The following SLIT2 variants were observed in gnomAD, a reference collection of about 807,000 sequenced individuals.
SLIT2 encodes slit homolog 2 protein.
Under a neutral mutation model 185.7 loss-of-function variants are expected in SLIT2, and 41 were observed. That is an observed-to-expected ratio of 0.22 (90% CI 0.17 to 0.29). The LOEUF (loss-of-function observed/expected upper bound fraction) is 0.29. SLIT2 is among the 10% of genes least tolerant of loss of function. The probability of loss-of-function intolerance (pLI) is 1.00; values close to 1 mark genes in which losing one functional copy is unlikely to be tolerated. For missense variants in SLIT2, 1,571 were observed against 1,909.0 expected (o/e 0.82, Z 3.30); for synonymous variants, 693 against 680.2 (o/e 1.02, Z -0.29).
intron 5 of SLIT2, among the ~76,000 whole-genome samples, chr4:20,475,283 A>G (rs1577733691): frequency 6.8e-6 from 1 of 147,924 alleles, no homozygotes; most frequent in African/African-American, 2.5e-5. Context: ...GTCTAATTAG[A>G]TTCTATCCAT....
chr4:20,493,788 A>G (rs1455625794), intron 9 of SLIT2, among the ~76,000 whole-genome samples: 1 of 152,200 alleles, frequency 6.6e-6, no homozygotes. Context: ...CATTCCAGAA[A>G]TGATAACTCA....
At chr4:20,582,476 C>G (rs1008868655) in intron 29 of SLIT2, among the ~76,000 whole-genome samples, 1 of 152,188 alleles carries the variant, frequency 6.6e-6, no homozygotes, top group African/African-American at 2.4e-5. Flanking sequence ...ACAAATAGTA[C>G]TGAAGCCAGT....
chr4:20,385,237 CAAGG>C (rs1724842591), intron 4 of SLIT2, among the ~76,000 whole-genome samples: 1 of 152,142 alleles, frequency 6.6e-6, no homozygotes, highest in Non-Finnish European at 1.5e-5. Flanking sequence ...AATGAACAAA[CAAGG>C]AAATATACTA....
chr4:20,602,981 C>A (rs533629086), intron 33 of SLIT2, among the ~76,000 whole-genome samples: 1 of 151,932 alleles, frequency 6.6e-6, no homozygotes, highest in East Asian at 1.9e-4. Context: ...GGCGCACGGG[C>A]CTAATATTTA....
At chr4:20,447,341 G>C (rs1270362618) in intron 4 of SLIT2, among the ~76,000 whole-genome samples, 1 of 152,204 alleles carries the variant, frequency 6.6e-6, no homozygotes, top group Non-Finnish European at 1.5e-5. Context: ...GGATCACACA[G>C]ATGCATTGCC....
intron 28 of SLIT2, among the ~76,000 whole-genome samples, chr4:20,568,131 C>T (rs1329468477): frequency 1.3e-5 from 2 of 152,042 alleles, no homozygotes; most frequent in Non-Finnish European, 2.9e-5. Flanking sequence ...TTCAGATGTA[C>T]TTCATGAATT....
intron 11 of SLIT2, among the ~76,000 whole-genome samples, chr4:20,513,571 G>T (rs1443263027): frequency 6.6e-6 from 1 of 152,164 alleles, no homozygotes; most frequent in East Asian, 1.9e-4. Flanking sequence ...TAGAGATGCA[G>T]AGTGACCAGA....
intron 4 of SLIT2, among the ~76,000 whole-genome samples, chr4:20,427,834 A>C (rs953773524): frequency 6.6e-6 from 1 of 152,140 alleles, no homozygotes; most frequent in African/African-American, 2.4e-5. Context: ...ATTGAAATTC[A>C]TGTGTCTTAA....
At chr4:20,412,057 T>A (rs1727298103) in intron 4 of SLIT2, among the ~76,000 whole-genome samples, 1 of 152,164 alleles carries the variant, frequency 6.6e-6, no homozygotes. Context: ...ATATGGGCTT[T>A]GGAAGACAAT....
chr4:20,267,571 T>C (rs1439269871), intron 3 of SLIT2, among the ~76,000 whole-genome samples: 2 of 151,880 alleles, frequency 1.3e-5, no homozygotes, highest in Non-Finnish European at 2.9e-5. Context: ...AAAAAATTCA[T>C]AGCCTCTGCT....
chr4:20,255,413 C>T (rs1351284448), intron 1 of SLIT2, among the ~76,000 whole-genome samples: 3 of 152,176 alleles, frequency 2.0e-5, no homozygotes, highest in Admixed American at 2.0e-4. Flanking sequence ...CAAATCGGGG[C>T]TCTACTAGGG....
chr4:20,285,539 T>G (rs17601683), intron 4 of SLIT2, among the ~76,000 whole-genome samples: 1 of 150,048 alleles, frequency 6.7e-6, no homozygotes. Flanking sequence ...TAGAAACTTT[T>G]GCACTTTACT....
At chr4:20,562,353 A>G (rs893739033) in intron 26 of SLIT2, among the ~76,000 whole-genome samples, 3 of 151,708 alleles carry the variant, frequency 2.0e-5, no homozygotes, top group African/African-American at 4.8e-5. Context: ...CTTTAGCCCT[A>G]TCAAATTCTC....
chr4:20,308,825 TACAA>T (rs1717815407), intron 4 of SLIT2, among the ~76,000 whole-genome samples: 1 of 152,182 alleles, frequency 6.6e-6, no homozygotes, highest in Non-Finnish European at 1.5e-5. Flanking sequence ...CATATGTACA[TACAA>T]ACAAACATAT....
chr4:20,339,556 C>G (rs1720791596), intron 4 of SLIT2, among the ~76,000 whole-genome samples: 1 of 152,130 alleles, frequency 6.6e-6, no homozygotes, highest in Non-Finnish European at 1.5e-5. Flanking sequence ...CATGTGGACT[C>G]TAGGGCAAAG....
chr4:20,314,787 A>G (rs566409185), intron 4 of SLIT2, among the ~76,000 whole-genome samples: 4 of 152,266 alleles, frequency 2.6e-5, no homozygotes, highest in Non-Finnish European at 5.9e-5. Flanking sequence ...AGAACTGCAG[A>G]TGGTCAATAA....
At chr4:20,288,402 G>T (rs553723955) in intron 4 of SLIT2, among the ~76,000 whole-genome samples, 3 of 152,166 alleles carry the variant, frequency 2.0e-5, no homozygotes, top group African/African-American at 4.8e-5. Context: ...TCACTGTGAT[G>T]TTTTTTATTA....
chr4:20,415,240 T>C (rs934032820), intron 4 of SLIT2, among the ~76,000 whole-genome samples: 1 of 151,904 alleles, frequency 6.6e-6, no homozygotes. Context: ...TGAAACCCCG[T>C]CTCTACTAAA....
In SLIT2 at chr4:20,254,258, C is replaced by T. The variant is rs373955233; in HGVS notation, c.179+264C>T. Among the ~76,000 whole-genome samples, 4 of 152,310 alleles carry T rather than the reference C, an allele frequency of 2.6e-5. No individual in the cohort carries two copies. The highest frequency in any genetic ancestry group is 9.6e-5 in the African/African-American group (4 of 41,590). On this transcript the variant is annotated intron_variant, in intron 1 of 36. Transcript: ENST00000504154. This position sits in a 1 kb window ranked among gnomAD's most constrained non-coding sequence, Gnocchi z 5.1. ...ACTCGCAGCTCCTTGCTGGCTAGTT[C>T]TCTGGGGCTGGGGAGCGGGTAGATA...
Sources: gnomAD v4.1 joint callset for allele counts (sites outside exome capture counted in the v4.1 genomes callset) on GRCh38, gnomAD v4.1.1 for gene constraint, Gnocchi (gnomAD v3.1) non-coding constraint, MANE v1.5 for transcripts, NCBI Gene and HGNC (gene_info 2026-07-23, HGNC 2026-07-21) for gene names.